The following CRTAC1 variants were observed in gnomAD, a reference collection of about 807,000 sequenced individuals.
CRTAC1 encodes acidic secreted protein in cartilage.
Under a neutral mutation model 67.8 loss-of-function variants are expected in CRTAC1, and 37 were observed. That is an observed-to-expected ratio of 0.55 (90% CI 0.42 to 0.72). The LOEUF (loss-of-function observed/expected upper bound fraction) is 0.72. Among genes scored for constraint, CRTAC1 ranks in the 30% least tolerant of loss-of-function variants. The probability of loss-of-function intolerance (pLI) is 0.00; values close to 1 mark genes in which losing one functional copy is unlikely to be tolerated. For missense variants in CRTAC1, 780 were observed against 931.6 expected, an observed-to-expected ratio of 0.84 and a Z score of 2.12; for synonymous variants, 348 against 371.0, an observed-to-expected ratio of 0.94 and a Z score of 0.71.
At chr10:98,024,061 A>G (rs1843174675) in intron 1 of CRTAC1, among the ~76,000 whole-genome samples, 1 of 152,196 alleles carries the variant, frequency 6.6e-6, no homozygotes, top group Non-Finnish European at 1.5e-5. Flanking sequence ...GTCTACATCA[A>G]TAGAGGGCTG....
chr10:97,943,911 C>G (rs916070953), intron 2 of CRTAC1, among the ~76,000 whole-genome samples: 1 of 152,080 alleles, frequency 6.6e-6, no homozygotes, highest in African/African-American at 2.4e-5. Flanking sequence ...GATTGTCAGC[C>G]TTATAGTATG....
intron 2 of CRTAC1, among the ~76,000 whole-genome samples, chr10:97,973,598 T>C (rs531270163): frequency 6.6e-6 from 1 of 152,278 alleles, no homozygotes; most frequent in African/African-American, 2.4e-5. Context: ...GCCCCACCAC[T>C]ACCAACCTGC....
chr10:98,018,216 AAAAAAAAAAAAAAAAAGAG>A (rs1245279270), intron 1 of CRTAC1, among the ~76,000 whole-genome samples: 32 of 148,354 alleles, frequency 2.2e-4, no homozygotes, highest in Middle Eastern at 3.4e-3. Context: ...AAAAAAAAAA[AAAAAAAAAAAAAAAAAGAG>A]AGAGAGAGAG....
At chr10:97,984,623 A>G (rs890234610) in intron 2 of CRTAC1, among the ~76,000 whole-genome samples, 2 of 152,202 alleles carry the variant, frequency 1.3e-5, no homozygotes, top group African/African-American at 4.8e-5. Context: ...ACGTGGAAAC[A>G]AGGCTCCCAA....
At chr10:97,988,915 A>G (rs1242007390) in intron 2 of CRTAC1, among the ~76,000 whole-genome samples, 1 of 152,220 alleles carries the variant, frequency 6.6e-6, no homozygotes, top group African/African-American at 2.4e-5. Context: ...AGGTATTTCC[A>G]GAGGAGATCA....
chr10:97,938,594 A>G (rs1177981763), intron 2 of CRTAC1, among the ~76,000 whole-genome samples: 3 of 152,154 alleles, frequency 2.0e-5, no homozygotes, highest in Admixed American at 6.5e-5. Context: ...CAGCACTCTC[A>G]GGCCTGTTCA....
chr10:97,936,306 G>A lies in CRTAC1; in HGVS notation c.285C>T (p.Ile95=), dbSNP rs773886370. 7.4e-6 allele frequency: 12 copies of A among 1,613,612 alleles called. No homozygotes were observed. In the African/African-American group the frequency reaches 8.0e-5, roughly 11 times the overall value. Residue 95 remains isoleucine (I), a synonymous_variant, in exon 3 of 15, where the codon ATC becomes ATT. Transcript: ENST00000370597. Reference sequence around the variant, plus strand: ...AGGGTGAGCTGCGCTCATCGACCGCGATGTTCACCAGCCGCTTCTGGGCCC... The same window carrying A: ...AGGGTGAGCTGCGCTCATCGACCGCAATGTTCACCAGCCGCTTCTGGGCCC... ...YDRAQKRLVN[I]AVDERSSPYY... is the part of the protein sequence containing the mutation.
chr10:97,910,560 A>T (rs1425855775), intron 5 of CRTAC1, among the ~76,000 whole-genome samples: 2 of 152,214 alleles, frequency 1.3e-5, no homozygotes, highest in Non-Finnish European at 1.5e-5. Context: ...CTTGATTTTT[A>T]AAAAAATAAA....
At chr10:97,891,925 A>T (rs2050380334) in intron 11 of CRTAC1, among the ~76,000 whole-genome samples, 1 of 152,242 alleles carries the variant, frequency 6.6e-6, no homozygotes. Flanking sequence ...CCCCTAGAGC[A>T]GCCTGCCTTC....
chr10:98,014,767 G>T (rs1842965112), intron 1 of CRTAC1, among the ~76,000 whole-genome samples: 3 of 152,138 alleles, frequency 2.0e-5, no homozygotes, highest in Admixed American at 6.5e-5. Context: ...CACCCATTAG[G>T]ATGGCTGTAA....
At chr10:97,987,111 A>C (rs547988957) in intron 2 of CRTAC1, among the ~76,000 whole-genome samples, 32 of 152,242 alleles carry the variant, frequency 2.1e-4, no homozygotes, top group Non-Finnish European at 4.4e-4. Context: ...AAGATATCAC[A>C]AGAAAAAATA....
intron 2 of CRTAC1, among the ~76,000 whole-genome samples, chr10:98,006,077 A>G (rs1234975062): frequency 1.3e-5 from 2 of 152,164 alleles, no homozygotes; most frequent in African/African-American, 2.4e-5. Context: ...ATTTGAGCAA[A>G]CTCCTTTTGG....
In CRTAC1 at chr10:97,957,336, G is replaced by A. The variant is rs185281647; in HGVS notation, c.225-20970C>T. On this transcript the variant is annotated intron_variant, in intron 2 of 14. Transcript: ENST00000370597. ...ATAAAAGCAGTGTGCTTTTATTGTG[G>A]TCCAGAGGAGGTGGGCCGGGGACAG... Among the ~76,000 whole-genome samples the A allele has an allele frequency of 6.6e-5, 10 of 152,244 alleles. No homozygotes were observed. In the East Asian group the frequency reaches 1.7e-3, roughly 26 times the overall value.
At chr10:97,920,621 A>G (rs1282979185) in intron 4 of CRTAC1, among the ~76,000 whole-genome samples, 1 of 152,200 alleles carries the variant, frequency 6.6e-6, no homozygotes, top group African/African-American at 2.4e-5. Context: ...CTGGTCTGGG[A>G]ACCACACTTT....
chr10:97,873,526 T>C (rs1216994134), intron 14 of CRTAC1, among the ~76,000 whole-genome samples: 1 of 152,124 alleles, frequency 6.6e-6, no homozygotes, highest in Admixed American at 6.5e-5. Flanking sequence ...TCTGCCATGG[T>C]CTCCATAAGC....
Position 97,917,564 on chromosome 10 carries a change from G to C in CRTAC1, c.651C>G (p.Asp217Glu). Residue 217 changes from aspartate to glutamate, a missense_variant, in exon 5 of 15, where the codon GAC becomes GAG. Coordinates refer to ENST00000370597, the MANE Select transcript of CRTAC1 (RefSeq NM_018058.7). ...TGAGCGCCAGAATGCCCCGGGAGAGGTCACTGGCCTCAGGGTCCATTTCAA... is the reference window on the plus strand; with the variant it reads ...TGAGCGCCAGAATGCCCCGGGAGAGCTCACTGGCCTCAGGGTCCATTTCAA... The part of the protein sequence containing the change: ...ALIEMDPEAS[D>E]LSRGILALRD... 3 of 1,603,744 alleles carry C rather than the reference G, an allele frequency of 1.9e-6. No individual in the cohort carries two copies.
chr10:97,954,106 A>G (rs2051403013), intron 2 of CRTAC1, among the ~76,000 whole-genome samples: 1 of 152,128 alleles, frequency 6.6e-6, no homozygotes, highest in Non-Finnish European at 1.5e-5. Flanking sequence ...ACCCTGCAGA[A>G]CCCCAGACCC....
At chr10:97,910,919 C>G (rs1182862291) in intron 5 of CRTAC1, among the ~76,000 whole-genome samples, 1 of 152,218 alleles carries the variant, frequency 6.6e-6, no homozygotes, top group Non-Finnish European at 1.5e-5. Context: ...GAAAATGAAG[C>G]CACTGAATTC....
intron 2 of CRTAC1, among the ~76,000 whole-genome samples, chr10:97,966,935 T>A (rs1421244936): frequency 6.6e-6 from 1 of 151,918 alleles, no homozygotes; most frequent in Non-Finnish European, 1.5e-5. Flanking sequence ...TCCCTGCTGA[T>A]GTTGACCTTG....
Sources: gnomAD v4.1 joint callset for allele counts (sites outside exome capture counted in the v4.1 genomes callset) on GRCh38, gnomAD v4.1.1 for gene constraint, MANE v1.5 for transcripts, NCBI Gene and HGNC (gene_info 2026-07-23, HGNC 2026-07-21) for gene names.